DSCAM: variants seen among roughly 807,000 people sequenced by gnomAD.
The protein encoded by DSCAM is cell adhesion molecule DSCAM.
In DSCAM, 47 loss-of-function variants were observed where a neutral mutation model predicts 217.7. The observed-to-expected ratio is 0.22, with a 90% CI of 0.17 to 0.28. DSCAM has a LOEUF of 0.28. DSCAM is among the 10% of genes least tolerant of loss of function. The pLI is 1.00. For synonymous variants in DSCAM, 1,056 were observed against 1,015.3 expected, an observed-to-expected ratio of 1.04 and a Z score of -0.76; for missense variants, 2,080 against 2,618.3, an observed-to-expected ratio of 0.79 and a Z score of 4.49.
chr21:40,717,099 T>C (rs1004523094), intron 1 of DSCAM, among the ~76,000 whole-genome samples: 5 of 152,240 alleles, frequency 3.3e-5, no homozygotes, highest in Admixed American at 3.3e-4. Flanking sequence ...GGAAATTCAA[T>C]GCACAGCTAA....
At chr21:40,518,725 T>C in intron 3 of DSCAM, among the ~76,000 whole-genome samples, 1 of 146,452 alleles carries the variant, frequency 6.8e-6, no homozygotes, top group Admixed American at 7.1e-5. Context: ...ACCTAAAACC[T>C]TAAAATTTTA....
At chr21:40,734,695 CAG>C (rs1323289213) in intron 1 of DSCAM, among the ~76,000 whole-genome samples, 1 of 152,178 alleles carries the variant, frequency 6.6e-6, no homozygotes, top group Non-Finnish European at 1.5e-5. Context: ...CCATTCCAGC[CAG>C]AGTTTCAATA....
chr21:40,579,757 C>T (rs1276216096), intron 3 of DSCAM, among the ~76,000 whole-genome samples: 1 of 151,818 alleles, frequency 6.6e-6, no homozygotes, highest in East Asian at 1.9e-4. Flanking sequence ...TGTTATTAGT[C>T]AAAAATTAAG....
chr21:40,738,720 C>T (rs2091090326), intron 1 of DSCAM, among the ~76,000 whole-genome samples: 1 of 152,256 alleles, frequency 6.6e-6, no homozygotes, highest in South Asian at 2.1e-4. Context: ...TTTTGCGCAT[C>T]TCACAAATCA....
intron 3 of DSCAM, among the ~76,000 whole-genome samples, chr21:40,488,497 G>A (rs560261503): frequency 7.9e-5 from 12 of 152,280 alleles, no homozygotes; most frequent in Admixed American, 5.9e-4. Flanking sequence ...CTGCATTTCA[G>A]GGGGAGAGGT....
chr21:40,640,056 CTT>C (rs1359918560), intron 3 of DSCAM, among the ~76,000 whole-genome samples: 1 of 150,162 alleles, frequency 6.7e-6, no homozygotes, highest in Admixed American at 7.4e-5. Flanking sequence ...CCTTAATGAG[CTT>C]TAGATTGTGC....
intron 3 of DSCAM, among the ~76,000 whole-genome samples, chr21:40,672,682 T>C (rs1055505493): frequency 1.3e-5 from 2 of 152,202 alleles, no homozygotes; most frequent in African/African-American, 4.8e-5. Context: ...CTATTATTAA[T>C]GCTATTCAAT....
intron 3 of DSCAM, among the ~76,000 whole-genome samples, chr21:40,492,924 G>C (rs900927028): frequency 1.3e-5 from 2 of 152,034 alleles, no homozygotes; most frequent in Non-Finnish European, 2.9e-5. Flanking sequence ...ACTACACCAA[G>C]ACATGCTATA....
At chr21:40,803,343 G>A (rs930570557) in intron 1 of DSCAM, among the ~76,000 whole-genome samples, 2 of 152,146 alleles carry the variant, frequency 1.3e-5, no homozygotes, top group Non-Finnish European at 2.9e-5. Context: ...ACTCTGTCAC[G>A]TGAGCACACA....
chr21:40,172,680 T>C (rs1331980333), intron 15 of DSCAM, among the ~76,000 whole-genome samples: 1 of 152,256 alleles, frequency 6.6e-6, no homozygotes, highest in African/African-American at 2.4e-5. Flanking sequence ...CATTAATTGA[T>C]ATGGGCTCAA....
At chr21:40,543,344 C>T (rs1030612525) in intron 3 of DSCAM, among the ~76,000 whole-genome samples, 2 of 152,192 alleles carry the variant, frequency 1.3e-5, no homozygotes, top group Non-Finnish European at 2.9e-5. Context: ...ATGATGGCCA[C>T]TGGGATCCAC....
At chr21:40,511,533 T>A (rs994091139) in intron 3 of DSCAM, among the ~76,000 whole-genome samples, 2 of 152,182 alleles carry the variant, frequency 1.3e-5, no homozygotes, top group Non-Finnish European at 2.9e-5. Context: ...ACTACAAACA[T>A]GGAAAAGATG....
At chr21:40,735,151 G>A (rs1293093304) in intron 1 of DSCAM, among the ~76,000 whole-genome samples, 1 of 152,188 alleles carries the variant, frequency 6.6e-6, no homozygotes, top group Non-Finnish European at 1.5e-5. Context: ...ACTGATCCAC[G>A]TGTTTTTCTC....
At chr21:40,576,590 T>G (rs552738650) in intron 3 of DSCAM, among the ~76,000 whole-genome samples, 17 of 152,222 alleles carry the variant, frequency 1.1e-4, no homozygotes, top group Non-Finnish European at 2.2e-4. Flanking sequence ...AGAGAAACCA[T>G]GAGTTTCTGT....
At chr21:40,734,167 C>T (rs372959496) in intron 1 of DSCAM, among the ~76,000 whole-genome samples, 1 of 152,058 alleles carries the variant, frequency 6.6e-6, no homozygotes, top group African/African-American at 2.4e-5. Context: ...CGGAGTCACC[C>T]CAAGAAACGC....
rs770965789 is a variant in DSCAM, at chr21:40,078,688, G to T, written c.4710C>A (p.Gly1570=). ...GAGCCACAAAGCCAGCCAGCTTACT[G>T]CCATCGTAGTTCAGCGTAGCGAAGT... ...QANFATLNYD[G]STIPPLIKSV... Residue 1570 remains glycine (G), a splice_region_variant and synonymous_variant, in exon 26 of 33, where the codon GGC becomes GGA. Transcript: ENST00000400454. 1.2e-6 allele frequency: 2 copies of T among 1,611,736 alleles called. No individual in the cohort carries two copies. The highest frequency in any genetic ancestry group is 2.2e-5 in the South Asian group (2 of 90,952).
At chr21:40,294,793 C>T (rs368513702) in intron 10 of DSCAM, among the ~76,000 whole-genome samples, 33 of 152,206 alleles carry the variant, frequency 2.2e-4, no homozygotes, top group African/African-American at 7.7e-4. Flanking sequence ...GCTTCAAATA[C>T]GGCAGGAAAT....
intron 4 of DSCAM, among the ~76,000 whole-genome samples, chr21:40,365,544 C>T (rs1421637140): frequency 6.6e-6 from 1 of 152,134 alleles, no homozygotes. Context: ...CCTTAATAAA[C>T]TCTACTTTAT....
chr21:40,384,620 A>G lies in DSCAM; in HGVS notation c.509-15375T>C, dbSNP rs4818128. 909 of 153,566 alleles carry G rather than the reference A, an allele frequency of 5.9e-3. 29 individuals carry two copies. The highest frequency in any genetic ancestry group is 0.051 in the Admixed American group (774 of 15,312). The allele number at this position is 153,566 out of a possible 1,614,324, so 9.5% of individuals were successfully genotyped here. A position where few individuals can be genotyped will look rare whatever the true frequency, so the allele number is the denominator to read the frequency against. On this transcript the variant is annotated intron_variant, in intron 3 of 32. Coordinates refer to ENST00000400454, the MANE Select transcript of DSCAM (RefSeq NM_001389.5). The stretch of plus-strand genomic sequence containing the variant: ...GAAACCCCATCTCAAAACCACAACA[A>G]CAACAACAGGACAACAGAGATGGAC...
Sources: gnomAD v4.1 joint callset for allele counts (sites outside exome capture counted in the v4.1 genomes callset) on GRCh38, gnomAD v4.1.1 for gene constraint, MANE v1.5 for transcripts, NCBI Gene and HGNC (gene_info 2026-07-23, HGNC 2026-07-21) for gene names.